Variants in MITF observed in about 807,000 individuals in gnomAD.
MITF encodes the protein melanocyte inducing transcription factor, also known as microphthalmia-associated transcription factor.
MITF carries 17 observed loss-of-function variants against 60.5 expected under a neutral mutation model. The observed-to-expected ratio is 0.28, with a 90% confidence interval of 0.19 to 0.42. The LOEUF (loss-of-function observed/expected upper bound fraction) is 0.42. Ranked by LOEUF, MITF falls within the 10% of genes least tolerant of loss-of-function variation. The probability of loss-of-function intolerance (pLI) is 1.00; values close to 1 mark genes in which losing one functional copy is unlikely to be tolerated. For synonymous variants in MITF, 260 were observed against 248.5 expected (o/e 1.05, Z -0.43); for missense variants, 622 against 683.5 (o/e 0.91, Z 1.00).
In MITF at chr3:69,746,065, G is replaced by A. The variant is rs551074960; in HGVS notation, c.104+6364G>A. Reference sequence around the variant, plus strand: ...GATTGAGGTGCCTCAACCTGCAGATGTTCAAATCGTACTATGCAGATTCGT... The same window carrying A: ...GATTGAGGTGCCTCAACCTGCAGATATTCAAATCGTACTATGCAGATTCGT... On this transcript the variant is annotated intron_variant, in intron 1 of 9. Coordinates refer to ENST00000352241, the MANE Select transcript of MITF (RefSeq NM_001354604.2). 3.9e-5 allele frequency among the ~76,000 whole-genome samples: 6 copies of A among 152,312 alleles called. No homozygotes were observed. In the East Asian group the frequency reaches 1.2e-3, roughly 29 times the overall value.
chr3:69,756,127 G>GT (rs574536504), intron 1 of MITF, among the ~76,000 whole-genome samples: 67 of 147,746 alleles, frequency 4.5e-4, no homozygotes, highest in African/African-American at 5.4e-4. Context: ...TATGTGGCAA[G>GT]TTTTTTTTTT....
intron 2 of MITF, among the ~76,000 whole-genome samples, chr3:69,905,063 C>T (rs1456312652): frequency 6.6e-6 from 1 of 152,086 alleles, no homozygotes; most frequent in Non-Finnish European, 1.5e-5. Context: ...GTGAAATGAT[C>T]CCTACAATCA....
intron 1 of MITF, among the ~76,000 whole-genome samples, chr3:69,836,676 A>G (rs543769120): frequency 1.3e-5 from 2 of 151,828 alleles, no homozygotes; most frequent in East Asian, 3.9e-4. Flanking sequence ...ACAGGGTGGG[A>G]TAACAGTCAA....
intron 2 of MITF, among the ~76,000 whole-genome samples, chr3:69,898,031 C>G (rs991186098): frequency 6.6e-6 from 1 of 152,126 alleles, no homozygotes; most frequent in Admixed American, 6.6e-5. Context: ...TTCATGTGCC[C>G]TTGTGGAACT....
intron 3 of MITF, chr3:69,938,639 C>T (rs2065900308): frequency 7.5e-7 from 1 of 1,337,162 alleles, no homozygotes; most frequent in African/African-American, 1.5e-5. Context: ...TTGGTGAAGG[C>T]TGGATTGGAA....
At chr3:69,879,078 A>T in intron 1 of MITF, 56 bp from the exon 2 acceptor site, 1 of 1,486,022 alleles carries the variant, frequency 6.7e-7, no homozygotes, top group Non-Finnish European at 9.4e-7. Flanking sequence ...CCCAAAGTGC[A>T]AACGAAGGGT....
intron 2 of MITF, among the ~76,000 whole-genome samples, chr3:69,919,116 G>A (rs571032385): frequency 5.9e-5 from 9 of 152,088 alleles, no homozygotes; most frequent in Non-Finnish European, 1.0e-4. Context: ...ATACCAAAAC[G>A]GGGAGAAGAA....
At chr3:69,869,926 A>G (rs1316735) in intron 1 of MITF, among the ~76,000 whole-genome samples, 7,105 of 151,906 alleles carry the variant, frequency 0.047, 361 homozygotes, top group African/African-American at 0.12. Flanking sequence ...GGATCCCACA[A>G]TCTCCTAAGA....
chr3:69,941,467 A>G (rs2065967445), intron 5 of MITF, 136 bp downstream of exon 5: 2 of 639,982 alleles, frequency 3.1e-6, no homozygotes, highest in African/African-American at 3.7e-5. Flanking sequence ...GAATTATCTC[A>G]GGATCACAAA....
Position 69,767,579 on chromosome 3 carries a change from C to T in MITF, c.104+27878C>T, listed in dbSNP as rs1273478450. On this transcript the variant is annotated intron_variant, in intron 1 of 9. Transcript: ENST00000352241. ...CAGCCTGGGCAACAGAGCAAGACTCCATCTCAAACAAAACAAAACAAAACA... is the reference window on the plus strand; with the variant it reads ...CAGCCTGGGCAACAGAGCAAGACTCTATCTCAAACAAAACAAAACAAAACA... 2.6e-5 allele frequency among the ~76,000 whole-genome samples: 4 copies of T among 151,956 alleles called. No homozygotes were observed. In the East Asian group the frequency reaches 7.8e-4, roughly 29 times the overall value.
intron 1 of MITF, among the ~76,000 whole-genome samples, chr3:69,785,552 T>C (rs2062634998): frequency 6.6e-6 from 1 of 152,210 alleles, no homozygotes; most frequent in East Asian, 1.9e-4. Context: ...GAAATGCACG[T>C]TGTTACTGCC....
In MITF at chr3:69,964,940, G is replaced by A. The variant is rs149617956; in HGVS notation, c.1273G>A (p.Glu425Lys). The A allele has an allele frequency of 2.8e-3, 4,491 of 1,614,114 alleles. 10 individuals are homozygous for A. Among genetic ancestry groups the A allele is most frequent in the Non-Finnish European group, 3.6e-3 (4,196 of 1,180,012 alleles). Residue 425 changes from glutamate (E) to lysine (K), a missense_variant, in exon 10 of 10, where the codon GAA becomes AAA. Physicochemically the swap from Glu to Lys is moderately conservative, Grantham distance 56 (BLOSUM62 1). This residue lies in a region of MITF where 224 missense variants were observed against 209.5 expected (regional missense o/e 1.07). Transcript: ENST00000352241. ...PDLVNRIIKQ[E>K]PVLENCSQDL... ...TTTGGTGAATCGGATCATCAAGCAA[G>A]AACCCGTTCTTGAGAACTGCAGCCA...
chr3:69,890,844 T>C (rs2064743909), intron 2 of MITF, among the ~76,000 whole-genome samples: 1 of 152,186 alleles, frequency 6.6e-6, no homozygotes, highest in Non-Finnish European at 1.5e-5. Flanking sequence ...TATATTGGAA[T>C]TAGTAAACTG....
chr3:69,843,196 A>C (rs1413172115), intron 1 of MITF, among the ~76,000 whole-genome samples: 2 of 152,222 alleles, frequency 1.3e-5, no homozygotes, highest in Admixed American at 1.3e-4. Flanking sequence ...AGTGTGAAGA[A>C]CAGATGTTCA....
At chr3:69,907,079 A>G (rs12106913) in intron 2 of MITF, among the ~76,000 whole-genome samples, 2 of 152,158 alleles carry the variant, frequency 1.3e-5, no homozygotes, top group African/African-American at 4.8e-5. Flanking sequence ...AAGCTACACA[A>G]CCAGAAGTAA....
At chr3:69,946,714 G>A (rs1030576559) in intron 5 of MITF, among the ~76,000 whole-genome samples, 1 of 152,148 alleles carries the variant, frequency 6.6e-6, no homozygotes, top group Non-Finnish European at 1.5e-5. Context: ...AGTAGATAGA[G>A]GGCTATAAGC....
chr3:69,821,562 C>T (rs2063272058), intron 1 of MITF, among the ~76,000 whole-genome samples: 1 of 151,436 alleles, frequency 6.6e-6, no homozygotes, highest in African/African-American at 2.4e-5. Flanking sequence ...GTTCCAGGTC[C>T]TTGAATTAAT....
rs1008868877 is a variant in MITF, at chr3:69,830,569, G to C, written c.105-48565G>C. On this transcript the variant is annotated intron_variant, in intron 1 of 9. Coordinates refer to ENST00000352241, the MANE Select transcript of MITF (RefSeq NM_001354604.2). ...AACATTTTCTGTGCTTAGTTATTTG[G>C]TTTATCAGGTTTATCATTAGAATTT... 2.0e-5 allele frequency among the ~76,000 whole-genome samples: 3 copies of C among 152,100 alleles called. No individual in the cohort carries two copies. The South Asian group carries it at 6.2e-4, about 32-fold the overall frequency.
Position 69,760,191 on chromosome 3 carries a change from T to C in MITF, c.104+20490T>C, listed in dbSNP as rs541638092. On this transcript the variant is annotated intron_variant, in intron 1 of 9. Coordinates refer to ENST00000352241, the MANE Select transcript of MITF (RefSeq NM_001354604.2). ...GATATGGTAGAATTTTGACAGATTT[T>C]TAATCATTCTTTAATAAGGTGGAGT... Among the ~76,000 whole-genome samples the C allele has an allele frequency of 3.3e-5, 5 of 152,280 alleles. No homozygotes were observed. In the East Asian group the frequency reaches 9.7e-4, roughly 29 times the overall value.
Sources: gnomAD v4.1 joint callset for allele counts (sites outside exome capture counted in the v4.1 genomes callset) on GRCh38, gnomAD v4.1.1 for gene constraint, gnomAD v4.1.1 regional missense constraint, MANE v1.5 for transcripts, NCBI Gene and HGNC (gene_info 2026-07-23, HGNC 2026-07-21) for gene names.